RAD51B: variants seen among roughly 807,000 people sequenced by gnomAD.
RAD51B encodes RAD51 paralog B.
Under a neutral mutation model 42.2 loss-of-function variants are expected in RAD51B, and 38 were observed. The observed-to-expected ratio is 0.90, with a 90% CI of 0.70 to 1.18. RAD51B has a LOEUF of 1.18. Ranked by LOEUF, RAD51B falls within the 50% of genes most tolerant of loss-of-function variation. The probability of loss-of-function intolerance (pLI) is 0.00; values close to 1 mark genes in which losing one functional copy is unlikely to be tolerated. For missense variants in RAD51B, 373 were observed against 400.7 expected (o/e 0.93, Z 0.59); for synonymous variants, 154 against 145.2 (o/e 1.06, Z -0.43).
intron 7 of RAD51B, among the ~76,000 whole-genome samples, chr14:67,931,305 T>C (rs2044724420): frequency 2.6e-5 from 4 of 152,120 alleles, no homozygotes; most frequent in Admixed American, 2.6e-4. Flanking sequence ...TGCTTTTGAG[T>C]GTACTTTGTA....
At chr14:68,224,475 T>C (rs2079994962) in intron 7 of RAD51B, among the ~76,000 whole-genome samples, 1 of 152,274 alleles carries the variant, frequency 6.6e-6, no homozygotes, top group East Asian at 1.9e-4. Context: ...TACTTATTTC[T>C]TAATATTCAA....
At chr14:68,013,369 A>G (rs919114754) in intron 7 of RAD51B, among the ~76,000 whole-genome samples, 2 of 152,122 alleles carry the variant, frequency 1.3e-5, no homozygotes, top group African/African-American at 4.8e-5. Context: ...ATAATTAGAA[A>G]TCCCCCTAGG....
chr14:68,524,292 C>T (rs1045947298), intron 10 of RAD51B, among the ~76,000 whole-genome samples: 3 of 152,130 alleles, frequency 2.0e-5, no homozygotes, highest in African/African-American at 7.2e-5. Context: ...AAGATAAAAA[C>T]ATGCACAAAA....
intron 7 of RAD51B, among the ~76,000 whole-genome samples, chr14:68,236,810 A>G (rs543166714): frequency 7.2e-5 from 11 of 152,342 alleles, no homozygotes; most frequent in Non-Finnish European, 2.9e-5. Context: ...ACTCCTGCTC[A>G]GCTTTCCCTG....
intron 7 of RAD51B, among the ~76,000 whole-genome samples, chr14:68,001,218 C>T (rs761122515): frequency 5.9e-5 from 9 of 152,016 alleles, no homozygotes; most frequent in Non-Finnish European, 1.2e-4. Flanking sequence ...TGCAAACTAT[C>T]GTATATTTTC....
Position 68,306,716 on chromosome 14 carries a change from G to A in RAD51B, c.853+14736G>A, listed in dbSNP as rs77835566. ...ATTGGAAAACTCGTTGAAAACACAT[G>A]AGTTAGTAATGTTCTCTTTCAGAAG... On this transcript the variant is annotated intron_variant, in intron 8 of 10. Transcript: ENST00000471583. 9.3e-3 allele frequency: 4,422 copies of A among 474,006 alleles called. 166 individuals carry two copies. Among genetic ancestry groups the A allele is most frequent in the African/African-American group, 0.076 (3,890 of 51,342 alleles). 29.4% of individuals were successfully genotyped at this position (474,006 alleles called of 1,614,324 possible).
At chr14:68,610,841 A>ATGTGTGTG (rs1323864540) in intron 10 of RAD51B, among the ~76,000 whole-genome samples, 31 of 71,136 alleles carry the variant, frequency 4.4e-4, no homozygotes, top group African/African-American at 1.6e-3. Context: ...ATCTGAATGT[A>ATGTGTGTG]TATGTGTGTG....
chr14:68,469,147 A>C (rs904072400), intron 10 of RAD51B: 1 of 507,968 alleles, frequency 2.0e-6, no homozygotes, highest in African/African-American at 1.9e-5. Flanking sequence ...CTGACCCTAG[A>C]GGAGCATATT....
At position 67,943,086 on chromosome 14, in the gene RAD51B, TA is replaced by T. The variant is rs1450472571; in HGVS notation, c.756+55883del. 7.9e-4 allele frequency among the ~76,000 whole-genome samples: 120 copies of T among 151,910 alleles called. 1 individual carries two copies. The highest frequency in any genetic ancestry group is 2.9e-3 in the African/African-American group (119 of 41,540). Reference sequence around the variant, plus strand: ...AAGTAATAGATTTAAATATATTAAATATATTAAATGAAATATAAAGTAGTAA... The same window carrying T: ...AAGTAATAGATTTAAATATATTAAATTATTAAATGAAATATAAAGTAGTAA... On this transcript the variant is annotated intron_variant, in intron 7 of 10. Coordinates refer to ENST00000471583, the MANE Select transcript of RAD51B (RefSeq NM_133510.4).
intron 7 of RAD51B, among the ~76,000 whole-genome samples, chr14:67,961,140 G>A (rs1467629429): frequency 6.6e-6 from 1 of 151,940 alleles, no homozygotes; most frequent in African/African-American, 2.4e-5. Flanking sequence ...CCGAGTAGCT[G>A]GGGCCACAGG....
At chr14:68,150,155 G>C (rs1157550280) in intron 7 of RAD51B, among the ~76,000 whole-genome samples, 1 of 152,156 alleles carries the variant, frequency 6.6e-6, no homozygotes, top group Non-Finnish European at 1.5e-5. Context: ...ATGTTGGTCA[G>C]GCTAGTCTCA....
intron 7 of RAD51B, among the ~76,000 whole-genome samples, chr14:68,155,634 T>A (rs2078487443): frequency 6.6e-6 from 1 of 152,164 alleles, no homozygotes; most frequent in Non-Finnish European, 1.5e-5. Context: ...TTCTTATGGT[T>A]CCTATAATGG....
chr14:68,035,093 T>C (rs2076100821), intron 7 of RAD51B, among the ~76,000 whole-genome samples: 1 of 152,246 alleles, frequency 6.6e-6, no homozygotes, highest in South Asian at 2.1e-4. Context: ...TTTTCCCGTA[T>C]AGAAATTAGA....
At chr14:68,586,170 C>T (rs555952387) in intron 10 of RAD51B, among the ~76,000 whole-genome samples, 3 of 152,192 alleles carry the variant, frequency 2.0e-5, no homozygotes, top group Non-Finnish European at 2.9e-5. Context: ...GGCAGAGCTG[C>T]GATAGTCCTG....
At chr14:68,215,871 C>T (rs2079803895) in intron 7 of RAD51B, among the ~76,000 whole-genome samples, 1 of 152,166 alleles carries the variant, frequency 6.6e-6, no homozygotes, top group Admixed American at 6.5e-5. Flanking sequence ...GGAACTTACT[C>T]AGTACCAAGG....
intron 7 of RAD51B, among the ~76,000 whole-genome samples, chr14:68,105,438 G>T (rs2077360409): frequency 6.6e-6 from 1 of 151,966 alleles, no homozygotes; most frequent in African/African-American, 2.4e-5. Flanking sequence ...CCTATGTATG[G>T]AAAATTTCAG....
At chr14:68,015,678 C>G (rs1017127520) in intron 7 of RAD51B, among the ~76,000 whole-genome samples, 11 of 152,138 alleles carry the variant, frequency 7.2e-5, no homozygotes, top group Admixed American at 5.9e-4. Context: ...TGGGTCCCTC[C>G]CATGACACGT....
intron 7 of RAD51B, among the ~76,000 whole-genome samples, chr14:67,928,874 T>C (rs2044627408): frequency 6.6e-6 from 1 of 152,164 alleles, no homozygotes; most frequent in Non-Finnish European, 1.5e-5. Flanking sequence ...CTCCATTTTC[T>C]CTAGGTTTTT....
In RAD51B at chr14:68,331,299, C is replaced by A. The variant is rs576513826; in HGVS notation, c.853+39319C>A. The stretch of plus-strand genomic sequence containing the variant: ...ATTGCTTGAACCAGGACCTGGGAGG[C>A]AGAGGTTGCAATGAGCCAAGATCAT... On this transcript the variant is annotated intron_variant, in intron 8 of 10. Coordinates refer to ENST00000471583, the MANE Select transcript of RAD51B (RefSeq NM_133510.4). Among the ~76,000 whole-genome samples the A allele has an allele frequency of 3.7e-5, 5 of 135,860 alleles. No homozygotes were observed. The East Asian group carries it at 1.1e-3, about 29-fold the overall frequency. The allele number at this position is 135,860 out of a possible 152,430, so 89.1% of individuals were successfully genotyped here.
Sources: gnomAD v4.1 joint callset for allele counts (sites outside exome capture counted in the v4.1 genomes callset) on GRCh38, gnomAD v4.1.1 for gene constraint, MANE v1.5 for transcripts, NCBI Gene and HGNC (gene_info 2026-07-23, HGNC 2026-07-21) for gene names.